The following KDM4B variants were observed in gnomAD, a reference collection of about 807,000 sequenced individuals.
KDM4B encodes lysine-specific demethylase 4B.
KDM4B carries 32 observed loss-of-function variants against 125.2 expected under a neutral mutation model. The observed-to-expected ratio is 0.26, with a 90% CI of 0.19 to 0.34. The LOEUF is 0.34. Among genes scored for constraint, KDM4B ranks in the 10% least tolerant of loss-of-function variants. The pLI, the probability that KDM4B is intolerant of heterozygous loss-of-function variation, is 1.00. For synonymous variants in KDM4B, 721 were observed against 677.9 expected (o/e 1.06, Z -0.99); for missense variants, 1,190 against 1,577.7 (o/e 0.75, Z 4.16).
chr19:5,091,104 A>C (rs960369431), intron 9 of KDM4B, among the ~76,000 whole-genome samples: 12 of 152,186 alleles, frequency 7.9e-5, no homozygotes, highest in African/African-American at 2.7e-4. Flanking sequence ...CGCTGAACTC[A>C]AGTTAGTCCT....
chr19:5,139,202 G>A (rs1261349032), intron 18 of KDM4B, among the ~76,000 whole-genome samples: 4 of 152,156 alleles, frequency 2.6e-5, no homozygotes, highest in African/African-American at 7.2e-5. Context: ...GATTACAGGC[G>A]CGAGTGGTGT....
At chr19:5,007,337 C>G (rs982782049) in intron 1 of KDM4B, among the ~76,000 whole-genome samples, 1 of 152,208 alleles carries the variant, frequency 6.6e-6, no homozygotes, top group African/African-American at 2.4e-5. Flanking sequence ...TGTCAAGCAT[C>G]TCTTCCTGTG....
intron 14 of KDM4B, 128 bp downstream of exon 14, chr19:5,134,189 G>C: frequency 1.2e-6 from 1 of 853,178 alleles, no homozygotes. Flanking sequence ...ACCCCGAGTT[G>C]TGAGGGCTTG....
intron 1 of KDM4B, among the ~76,000 whole-genome samples, chr19:4,979,354 A>G (rs1383129574): frequency 3.9e-5 from 6 of 152,208 alleles, no homozygotes; most frequent in African/African-American, 1.4e-4. Flanking sequence ...TCCCATAGGA[A>G]CTGCTGTTTG....
At chr19:4,994,322 A>G (rs2035129941) in intron 1 of KDM4B, among the ~76,000 whole-genome samples, 1 of 151,676 alleles carries the variant, frequency 6.6e-6, no homozygotes, top group South Asian at 2.1e-4. Context: ...CTGTAATCTC[A>G]GCACTTTGGG....
intron 18 of KDM4B, among the ~76,000 whole-genome samples, chr19:5,139,424 T>C (rs2039703332): frequency 6.6e-6 from 1 of 152,214 alleles, no homozygotes; most frequent in African/African-American, 2.4e-5. Flanking sequence ...GAGATTCTGA[T>C]GTCATTTCCT....
chr19:5,103,457 G>A (rs1329499164), intron 9 of KDM4B, among the ~76,000 whole-genome samples: 1 of 152,226 alleles, frequency 6.6e-6, no homozygotes, highest in Non-Finnish European at 1.5e-5. Context: ...TCTGAGGCCT[G>A]CGTCAAGAAT....
At chr19:4,976,497 C>T (rs1246822056) in intron 1 of KDM4B, among the ~76,000 whole-genome samples, 4 of 152,170 alleles carry the variant, frequency 2.6e-5, no homozygotes, top group Admixed American at 1.3e-4. Flanking sequence ...GCCGTGTACT[C>T]GGCCCAAGGA....
chr19:5,044,707 C>T (rs989546057), intron 5 of KDM4B, among the ~76,000 whole-genome samples: 1 of 152,074 alleles, frequency 6.6e-6, no homozygotes, highest in Non-Finnish European at 1.5e-5. Flanking sequence ...ATGGAGTCAT[C>T]CCACCACTCT....
At chr19:5,127,958 G>C (rs72486351) in intron 11 of KDM4B, among the ~76,000 whole-genome samples, 6 of 25,796 alleles carry the variant, frequency 2.3e-4, no homozygotes, top group Non-Finnish European at 3.7e-4. Flanking sequence ...CTGTGGTCTC[G>C]TGAGGACAGC....
intron 8 of KDM4B, among the ~76,000 whole-genome samples, chr19:5,080,202 G>T (rs1599572815): frequency 6.6e-6 from 1 of 152,342 alleles, no homozygotes. Flanking sequence ...TGTTCTTAAG[G>T]ACTGGCATTT....
At chr19:5,006,679 G>A (rs1270826626) in intron 1 of KDM4B, among the ~76,000 whole-genome samples, 5 of 152,022 alleles carry the variant, frequency 3.3e-5, no homozygotes, top group African/African-American at 7.2e-5. Flanking sequence ...AGGCTGAGGC[G>A]GGAGAATTGC....
intron 1 of KDM4B, among the ~76,000 whole-genome samples, chr19:4,993,634 G>T (rs1421525225): frequency 6.7e-6 from 1 of 149,258 alleles, no homozygotes; most frequent in Admixed American, 6.7e-5. Flanking sequence ...TTTTTGAGAT[G>T]GAGTCTTGCA....
intron 2 of KDM4B, among the ~76,000 whole-genome samples, chr19:5,030,485 A>G (rs561312570): frequency 1.5e-4 from 23 of 152,322 alleles, no homozygotes; most frequent in African/African-American, 5.5e-4. Flanking sequence ...CCAGCCCCTC[A>G]CATGACTCTT....
chr19:5,118,227 C>T (rs2039294202), intron 10 of KDM4B, among the ~76,000 whole-genome samples: 3 of 152,192 alleles, frequency 2.0e-5, no homozygotes, highest in South Asian at 2.1e-4. Flanking sequence ...CAGGGACCCC[C>T]GTGGGATTGA....
At chr19:4,993,334 G>C (rs993293102) in intron 1 of KDM4B, among the ~76,000 whole-genome samples, 2 of 151,898 alleles carry the variant, frequency 1.3e-5, no homozygotes, top group South Asian at 4.1e-4. Context: ...GCTTGAACCC[G>C]GGAGGCAGAG....
rs931317062 is a variant in KDM4B, at chr19:5,119,645, C to T, written c.1116-8C>T. ...CTCCCCTCCTGCCTGATAAACCTCC[C>T]TCTCCAGGTCTCACCGGAAACGGAG... is the stretch of plus-strand genomic sequence containing the variant. On this transcript the variant is annotated splice_region_variant and splice_polypyrimidine_tract_variant and intron_variant, in intron 10 of 22. Coordinates refer to ENST00000159111, the MANE Select transcript of KDM4B (RefSeq NM_015015.3). 6 of 1,553,146 alleles carry T rather than the reference C, an allele frequency of 3.9e-6. No homozygotes were observed. Among genetic ancestry groups the T allele is most frequent in the African/African-American group, 1.4e-5 (1 of 73,124 alleles).
chr19:4,991,853 G>A (rs1023260891), intron 1 of KDM4B, among the ~76,000 whole-genome samples: 5 of 152,194 alleles, frequency 3.3e-5, no homozygotes, highest in Admixed American at 6.5e-5. Context: ...GAATCACAGC[G>A]TATTTAACCT....
rs548884027 is a variant in KDM4B, at chr19:5,130,629, C to T, written c.1316-447C>T. ...TTTCTACATCAACAGTAGAAATGTA[C>T]GTAATTCGGATACACGAGAACACAA... On this transcript the variant is annotated intron_variant, in intron 11 of 22. Transcript: ENST00000159111. Among the ~76,000 whole-genome samples, 13 of 152,364 alleles carry T rather than the reference C, an allele frequency of 8.5e-5. No individual in the cohort carries two copies. In the East Asian group the frequency reaches 1.2e-3, roughly 14 times the overall value.
Sources: allele counts gnomAD v4.1 joint callset (sites outside exome capture counted in the v4.1 genomes callset), GRCh38; gene constraint gnomAD v4.1.1; transcripts MANE v1.5; gene names NCBI Gene and HGNC (gene_info 2026-07-23, HGNC 2026-07-21).